Variants in KIF6 observed in about 807,000 individuals in gnomAD.
KIF6 encodes the protein kinesin family member 6, also known as kinesin-like protein KIF6.
A neutral mutation model predicts 112.7 loss-of-function variants in KIF6; 106 were observed. The observed-to-expected ratio is 0.94, with a 90% CI of 0.80 to 1.11. The LOEUF (loss-of-function observed/expected upper bound fraction) is 1.11, where lower values mean the gene tolerates loss of function less well. Ranked by LOEUF, KIF6 falls within the 50% of genes least tolerant of loss-of-function variation. The pLI is 0.00. For synonymous variants in KIF6, 339 were observed against 339.9 expected, an observed-to-expected ratio of 1.00 and a Z score of 0.03; for missense variants, 929 against 964.0, an observed-to-expected ratio of 0.96 and a Z score of 0.48.
At chr6:39,700,963 G>A (rs958322572) in intron 3 of KIF6, among the ~76,000 whole-genome samples, 2 of 152,120 alleles carry the variant, frequency 1.3e-5, no homozygotes, top group African/African-American at 4.8e-5. Flanking sequence ...GCCTCCCAAA[G>A]TGCTGGGATT....
At chr6:39,712,405 G>A (rs1582508084) in intron 3 of KIF6, among the ~76,000 whole-genome samples, 2 of 152,026 alleles carry the variant, frequency 1.3e-5, no homozygotes, top group East Asian at 1.9e-4. Context: ...AAAACCCACC[G>A]GGACCAACTT....
At chr6:39,593,598 G>T (rs940302349) in intron 7 of KIF6, among the ~76,000 whole-genome samples, 2 of 152,130 alleles carry the variant, frequency 1.3e-5, no homozygotes, top group Non-Finnish European at 2.9e-5. Flanking sequence ...CTAACAGCTG[G>T]AGTGATGCAG....
At chr6:39,389,999 C>T (rs1174288018) in intron 15 of KIF6, among the ~76,000 whole-genome samples, 1 of 141,946 alleles carries the variant, frequency 7.0e-6, no homozygotes, top group Non-Finnish European at 1.5e-5. Flanking sequence ...CCGCTGCACT[C>T]CAGCCTGGGC....
intron 13 of KIF6, among the ~76,000 whole-genome samples, chr6:39,534,281 T>G (rs1022354047): frequency 6.6e-6 from 1 of 152,084 alleles, no homozygotes; most frequent in African/African-American, 2.4e-5. Context: ...AGGAGGAAAT[T>G]CAAACCAAAG....
intron 13 of KIF6, among the ~76,000 whole-genome samples, chr6:39,499,675 G>A (rs1776007010): frequency 6.6e-6 from 1 of 152,122 alleles, no homozygotes; most frequent in South Asian, 2.1e-4. Context: ...TTGAGAATAT[G>A]GGTAAGCACA....
chr6:39,402,887 C>T (rs1351444211), intron 15 of KIF6, among the ~76,000 whole-genome samples: 2 of 152,184 alleles, frequency 1.3e-5, no homozygotes, highest in African/African-American at 4.8e-5. Context: ...TGCCCAAAGT[C>T]CTCATCGTAG....
intron 13 of KIF6, among the ~76,000 whole-genome samples, chr6:39,434,382 G>C (rs541993926): frequency 1.3e-4 from 19 of 151,564 alleles, no homozygotes; most frequent in Non-Finnish European, 2.5e-4. Context: ...TGGGCAACAT[G>C]GTGAAACCCA....
rs138484883 is a variant in KIF6 at position 39,373,377 on chromosome 6, A to G, written c.1862-10859T>C. Reference sequence around the variant, plus strand: ...TGACTGTGTCTTGTGGAGGCCTTCAATGCTGCTGGTGGCCCAGAGCCATGG... The same window carrying G: ...TGACTGTGTCTTGTGGAGGCCTTCAGTGCTGCTGGTGGCCCAGAGCCATGG... On this transcript the variant is annotated intron_variant, in intron 16 of 22. Coordinates refer to ENST00000287152, the MANE Select transcript of KIF6 (RefSeq NM_145027.6). Among the ~76,000 whole-genome samples the G allele has an allele frequency of 6.6e-5, 10 of 152,302 alleles. No individual in the cohort carries two copies. In the East Asian group the frequency reaches 1.7e-3, roughly 26 times the overall value.
intron 13 of KIF6, among the ~76,000 whole-genome samples, chr6:39,515,396 C>T (rs1777019115): frequency 1.3e-5 from 2 of 152,168 alleles, no homozygotes; most frequent in Non-Finnish European, 1.5e-5. Flanking sequence ...ATGAACTTGG[C>T]CCACTCTGTG....
chr6:39,648,471 A>G (rs1205489945), intron 3 of KIF6, among the ~76,000 whole-genome samples: 4 of 152,200 alleles, frequency 2.6e-5, no homozygotes, highest in African/African-American at 9.6e-5. Flanking sequence ...TAATTATTGC[A>G]AAGTTTCCAG....
At chr6:39,461,667 T>C (rs1231899119) in intron 13 of KIF6, among the ~76,000 whole-genome samples, 6 of 152,200 alleles carry the variant, frequency 3.9e-5, no homozygotes, top group Non-Finnish European at 7.3e-5. Flanking sequence ...GCATGTTTTA[T>C]TCTTACAGCA....
intron 3 of KIF6, among the ~76,000 whole-genome samples, chr6:39,646,140 A>C (rs1482825920): frequency 2.7e-5 from 4 of 145,718 alleles, no homozygotes; most frequent in Non-Finnish European, 5.9e-5. Context: ...ATATATATAA[A>C]ATAAATAAAT....
intron 13 of KIF6, among the ~76,000 whole-genome samples, chr6:39,484,064 AGAACACTTCCAAAAGT>A (rs1040857478): frequency 3.3e-5 from 5 of 152,200 alleles, no homozygotes; most frequent in African/African-American, 1.2e-4. Context: ...CAGTGCTGTG[AGAACACTTCCAAAAGT>A]GACTTAAAGG....
intron 3 of KIF6, among the ~76,000 whole-genome samples, chr6:39,674,437 A>G (rs2150837190): frequency 6.6e-6 from 1 of 152,284 alleles, no homozygotes; most frequent in East Asian, 1.9e-4. Context: ...TATGAGCATC[A>G]CGAAGGAAGG....
chr6:39,615,233 C>A (rs1561865900), intron 5 of KIF6, among the ~76,000 whole-genome samples: 3 of 151,868 alleles, frequency 2.0e-5, no homozygotes, highest in African/African-American at 7.3e-5. Context: ...AGAGTTCTGC[C>A]TTTGTCAGCA....
chr6:39,639,579 T>C (rs200292271), intron 4 of KIF6, 31 bp downstream of exon 4: 1 of 1,516,918 alleles, frequency 6.6e-7, no homozygotes, highest in Admixed American at 2.3e-5. Flanking sequence ...ATATATCAAA[T>C]ACAAAATGAT....
chr6:39,405,622 G>A (rs1428823697), intron 15 of KIF6, among the ~76,000 whole-genome samples: 1 of 152,112 alleles, frequency 6.6e-6, no homozygotes, highest in African/African-American at 2.4e-5. Flanking sequence ...TAGTATTTGT[G>A]TATATTTATG....
chr6:39,494,830 T>C (rs1775688075), intron 13 of KIF6, among the ~76,000 whole-genome samples: 2 of 151,820 alleles, frequency 1.3e-5, no homozygotes, highest in Admixed American at 1.3e-4. Context: ...AAAAAAAAGA[T>C]AAGAAAAAGT....
chr6:39,492,302 G>A (rs1775523997), intron 13 of KIF6, among the ~76,000 whole-genome samples: 1 of 152,180 alleles, frequency 6.6e-6, no homozygotes, highest in Non-Finnish European at 1.5e-5. Context: ...TTGTCTAATG[G>A]AGTGGATTAT....
Sources: allele counts gnomAD v4.1 joint callset (sites outside exome capture counted in the v4.1 genomes callset), GRCh38; gene constraint gnomAD v4.1.1; transcripts MANE v1.5; gene names NCBI Gene and HGNC (gene_info 2026-07-23, HGNC 2026-07-21).